The following SCHIP1 variants were observed in gnomAD, a reference collection of about 807,000 sequenced individuals.
SCHIP1 encodes the protein schwannomin-interacting protein 1.
In SCHIP1, 8 loss-of-function variants were observed where a neutral mutation model predicts 29.7. The ratio of observed to expected loss-of-function variants is 0.27; its 90% confidence interval spans 0.16 to 0.49. The LOEUF is 0.49. Ranked by LOEUF, SCHIP1 falls within the 20% of genes least tolerant of loss-of-function variation. The pLI is 0.99. For synonymous variants in SCHIP1, 76 were observed against 94.9 expected (o/e 0.80, Z 1.16); for missense variants, 193 against 294.6 (o/e 0.66, Z 2.52).
chr3:159,537,698 CATG>C, the SCHIP1 span, among the ~76,000 whole-genome samples: 1 of 152,090 alleles, frequency 6.6e-6, no homozygotes, highest in Non-Finnish European at 1.5e-5. Flanking sequence ...GAGCCATAAA[CATG>C]GCTTCCATGG....
At chr3:159,475,743 A>C in the SCHIP1 span, among the ~76,000 whole-genome samples, 1 of 152,132 alleles carries the variant, frequency 6.6e-6, no homozygotes, top group Admixed American at 6.6e-5. Flanking sequence ...TCAATTCTGT[A>C]TCTCTTTTAG....
the SCHIP1 span, among the ~76,000 whole-genome samples, chr3:159,464,345 T>C: frequency 6.6e-6 from 1 of 152,206 alleles, no homozygotes; most frequent in Non-Finnish European, 1.5e-5. Context: ...CAAGTTGCTA[T>C]GCACCCTTGC....
chr3:159,305,930 A>C, the SCHIP1 span, among the ~76,000 whole-genome samples: 1 of 152,092 alleles, frequency 6.6e-6, no homozygotes, highest in African/African-American at 2.4e-5. Flanking sequence ...CATATTTCTT[A>C]ATAGAGTAAC....
At chr3:159,505,262 TTATC>T in the SCHIP1 span, among the ~76,000 whole-genome samples, 4 of 152,176 alleles carry the variant, frequency 2.6e-5, no homozygotes, top group Admixed American at 1.3e-4. Context: ...CTTAAACATT[TTATC>T]TATCTACCAA....
chr3:159,530,139 G>A, the SCHIP1 span, among the ~76,000 whole-genome samples: 1 of 152,064 alleles, frequency 6.6e-6, no homozygotes, highest in Non-Finnish European at 1.5e-5. Context: ...GGATCATATG[G>A]TAGTTCTATT....
At chr3:159,865,923 T>C (rs938829447) in intron 1 of SCHIP1, among the ~76,000 whole-genome samples, 2 of 152,216 alleles carry the variant, frequency 1.3e-5, no homozygotes, top group Non-Finnish European at 2.9e-5. Context: ...GAAAATCATT[T>C]AGCACCACGA....
At chr3:159,273,688 T>A in the SCHIP1 span, 1 of 1,459,396 alleles carries the variant, frequency 6.9e-7, no homozygotes, top group South Asian at 1.4e-5. Flanking sequence ...CATCACTTAT[T>A]TAGTGTGTGT....
At chr3:159,759,358 T>G in the SCHIP1 span, among the ~76,000 whole-genome samples, 2 of 152,188 alleles carry the variant, frequency 1.3e-5, no homozygotes, top group African/African-American at 4.8e-5. Context: ...ATCTGGATTT[T>G]TAATTAGTGG....
chr3:159,548,752 T>C, the SCHIP1 span, among the ~76,000 whole-genome samples: 2 of 152,152 alleles, frequency 1.3e-5, no homozygotes, highest in Non-Finnish European at 2.9e-5. Context: ...TTAGTTTCTA[T>C]TTCTCTACTA....
the SCHIP1 span, among the ~76,000 whole-genome samples, chr3:159,357,449 G>A: frequency 6.6e-6 from 1 of 152,168 alleles, no homozygotes; most frequent in Non-Finnish European, 1.5e-5. Context: ...CACACAGACT[G>A]GAAAATCAGT....
At chr3:159,706,214 CTTT>C in the SCHIP1 span, among the ~76,000 whole-genome samples, 519 of 151,990 alleles carry the variant, frequency 3.4e-3, 5 homozygotes, top group African/African-American at 0.012. Flanking sequence ...TATCTCAAGA[CTTT>C]TTTTTAACTC....
At chr3:159,585,957 G>C in the SCHIP1 span, among the ~76,000 whole-genome samples, 3 of 152,038 alleles carry the variant, frequency 2.0e-5, no homozygotes, top group Non-Finnish European at 4.4e-5. Context: ...AATATTATTG[G>C]ATGGATGGAT....
At chr3:159,431,080 G>A in the SCHIP1 span, among the ~76,000 whole-genome samples, 1 of 152,138 alleles carries the variant, frequency 6.6e-6, no homozygotes, top group Non-Finnish European at 1.5e-5. Context: ...GGGCTCTTAT[G>A]CTTTTAAAGA....
chr3:159,658,620 C>A, the SCHIP1 span, among the ~76,000 whole-genome samples: 1 of 152,286 alleles, frequency 6.6e-6, no homozygotes, highest in South Asian at 2.1e-4. Flanking sequence ...TATACTCACT[C>A]CATTGGGCAA....
At chr3:159,546,366 A>G in the SCHIP1 span, among the ~76,000 whole-genome samples, 1 of 152,116 alleles carries the variant, frequency 6.6e-6, no homozygotes, top group Non-Finnish European at 1.5e-5. Context: ...GTACATTTTT[A>G]TAGATAACTT....
the SCHIP1 span, among the ~76,000 whole-genome samples, chr3:159,659,729 TA>T: frequency 2.0e-5 from 3 of 152,004 alleles, no homozygotes; most frequent in Admixed American, 6.6e-5. Context: ...ATTCTCAGTT[TA>T]AAAAAAACCT....
the SCHIP1 span, among the ~76,000 whole-genome samples, chr3:159,663,523 G>A: frequency 6.6e-6 from 1 of 152,128 alleles, no homozygotes; most frequent in Non-Finnish European, 1.5e-5. Context: ...TTTAGTGTCT[G>A]CTCCAGAAAG....
chr3:159,421,366 G>A, the SCHIP1 span, among the ~76,000 whole-genome samples: 2 of 152,164 alleles, frequency 1.3e-5, no homozygotes, highest in African/African-American at 4.8e-5. Flanking sequence ...ACTGTCACTT[G>A]GATGAGTGCT....
the SCHIP1 span, among the ~76,000 whole-genome samples, chr3:159,495,398 C>A: frequency 2.0e-5 from 3 of 152,206 alleles, no homozygotes; most frequent in African/African-American, 7.2e-5. Flanking sequence ...TGATAAGCAA[C>A]TTCAGCAAAG....
Sources: gnomAD v4.1 joint callset for allele counts (sites outside exome capture counted in the v4.1 genomes callset) on GRCh38, gnomAD v4.1.1 for gene constraint, MANE v1.5 for transcripts, NCBI Gene and HGNC (gene_info 2026-07-23, HGNC 2026-07-21) for gene names.